The following SPEN variants were observed in gnomAD, a reference collection of about 807,000 sequenced individuals.
SPEN encodes msx2-interacting protein.
A neutral mutation model predicts 269.9 loss-of-function variants in SPEN; 18 were observed. That is an observed-to-expected ratio of 0.07 (90% CI 0.05 to 0.10). The LOEUF (loss-of-function observed/expected upper bound fraction) is 0.10, where lower values mean the gene tolerates loss of function less well. SPEN is among the 10% of genes least tolerant of loss of function. The probability of loss-of-function intolerance (pLI) is 1.00; values close to 1 mark genes in which losing one functional copy is unlikely to be tolerated. For missense variants in SPEN, 3,822 were observed against 4,631.2 expected (o/e 0.83, Z 5.07); for synonymous variants, 1,726 against 1,765.7 (o/e 0.98, Z 0.56).
chr1:15,855,229 A>G (rs1455594379), intron 1 of SPEN, among the ~76,000 whole-genome samples: 1 of 152,146 alleles, frequency 6.6e-6, no homozygotes, highest in Non-Finnish European at 1.5e-5. Context: ...TTTGTATTAG[A>G]TGCTGTTTGG....
At position 15,933,262 on chromosome 1, in the gene SPEN, A is replaced by G. The variant is rs150431718; in HGVS notation, c.7022A>G (p.Lys2341Arg). 1.2e-5 allele frequency: 19 copies of G among 1,614,168 alleles called. No homozygotes were observed. Among genetic ancestry groups the G allele is most frequent in the Admixed American group, 1.7e-5 (1 of 60,026 alleles). The change falls in exon 11 of 15, where the codon AAG (lysine) becomes AGG (arginine). Residue 2341 changes from lysine (K) to arginine (R), a missense_variant. Physicochemically the swap from Lys to Arg is conservative, Grantham distance 26. This residue lies in a region of SPEN where 727 missense variants were observed against 737.9 expected (regional missense o/e 0.99). Coordinates refer to ENST00000375759, the MANE Select transcript of SPEN (RefSeq NM_015001.3). The surrounding 1 kb of genome is among the most constrained non-coding windows in gnomAD (Gnocchi z 5.7). ...GRQKTTRSRR[K>R]RNTNKKVVAP... ...CAGAAAACAACCCGATCACGCCGCA[A>G]GCGAAACACAAACAAGAAAGTGGTG...
At position 15,937,660 on chromosome 1, in the gene SPEN, G is replaced by A; in HGVS notation, c.10509+15G>A. The A allele has an allele frequency of 6.2e-7, 1 of 1,609,174 alleles. No homozygotes were observed. The highest frequency in any genetic ancestry group is 2.2e-5 in the East Asian group (1 of 44,748). ...AACTTCTGAAGGTAAGCATGAGCAG[G>A]GGCTGCCCTTCCTGGCCCCCAAGTT... is the stretch of plus-strand genomic sequence containing the variant. On this transcript the variant is annotated intron_variant, in intron 12 of 14. Transcript: ENST00000375759. This position sits in a 1 kb window ranked among gnomAD's most constrained non-coding sequence, Gnocchi z 5.7.
rs1366575606 is a variant in SPEN, at chr1:15,930,338, A to G, written c.4098A>G (p.Arg1366=). 6.2e-7 allele frequency: 1 copy of G among 1,613,776 alleles called. No individual in the cohort carries two copies. Among genetic ancestry groups the G allele is most frequent in the Admixed American group, 1.7e-5 (1 of 59,996 alleles). ...GCATAATTAAGAGAGATAGCCTTCG[A>G]AAAAGGTCTGTACGAGATCTGGAAC... ...PNSIIKRDSL[R]KRSVRDLEPG... Residue 1366 remains arginine (R), a synonymous_variant, in exon 11 of 15, where the codon CGA becomes CGG. Transcript: ENST00000375759. This position sits in a 1 kb window ranked among gnomAD's most constrained non-coding sequence, Gnocchi z 5.3.
intron 3 of SPEN, among the ~76,000 whole-genome samples, chr1:15,879,026 AAAAG>A (rs1480550104): frequency 4.8e-5 from 7 of 145,836 alleles, no homozygotes; most frequent in Non-Finnish European, 9.1e-5. Context: ...AAAAAAAAAG[AAAAG>A]AAAAGAAAAA....
rs755308172 is a variant in SPEN, at chr1:15,931,502, C to T, written c.5262C>T (p.Asp1754=). 3.7e-6 allele frequency: 6 copies of T among 1,614,068 alleles called. No homozygotes were observed. The Admixed American group carries it at 1.0e-4, about 27-fold the overall frequency. ...AGAGCAACGTAGATCCAGAGCCTGACAGTACCCAGCCACTTTCAAAACCAG... is the reference window on the plus strand; with the variant it reads ...AGAGCAACGTAGATCCAGAGCCTGATAGTACCCAGCCACTTTCAAAACCAG... ...QAESNVDPEP[D]STQPLSKPAQ... The change falls in exon 11 of 15, where the codon GAC becomes GAT. Residue 1754 remains aspartate, a synonymous_variant. Transcript: ENST00000375759. The surrounding 1 kb of genome is among the most constrained non-coding windows in gnomAD (Gnocchi z 4.8).
intron 3 of SPEN, among the ~76,000 whole-genome samples, chr1:15,881,765 AGT>A (rs1181125484): frequency 6.6e-6 from 1 of 152,190 alleles, no homozygotes; most frequent in African/African-American, 2.4e-5. Context: ...TTGAATTCAA[AGT>A]GTAATATTTT....
intron 3 of SPEN, among the ~76,000 whole-genome samples, chr1:15,907,364 C>T (rs937415736): frequency 1.3e-5 from 2 of 151,970 alleles, no homozygotes; most frequent in East Asian, 3.9e-4. Flanking sequence ...TGCCTGTAAT[C>T]CCAGCTACTC....
chr1:15,939,453 G>C lies in SPEN; in HGVS notation c.*26G>C, dbSNP rs780079732. ...GCCACTGAGTGGTTATCACCTCAGTGAATCTTCCCAGGGCTCTGCAGTAAA... is the reference window on the plus strand; with the variant it reads ...GCCACTGAGTGGTTATCACCTCAGTCAATCTTCCCAGGGCTCTGCAGTAAA... On this transcript the variant is annotated 3_prime_UTR_variant, in exon 15 of 15. Transcript: ENST00000375759. This position sits in a 1 kb window ranked among gnomAD's most constrained non-coding sequence, Gnocchi z 4.1. 1.5e-5 allele frequency: 23 copies of C among 1,556,436 alleles called. No homozygotes were observed. Among genetic ancestry groups the C allele is most frequent in the Non-Finnish European group, 1.7e-5 (20 of 1,150,282 alleles).
intron 4 of SPEN, among the ~76,000 whole-genome samples, chr1:15,910,438 C>T (rs1023589739): frequency 1.6e-4 from 24 of 152,140 alleles, no homozygotes; most frequent in African/African-American, 3.4e-4. Flanking sequence ...GAAAGATAGA[C>T]GATGCCTTTC....
chr1:15,937,131 C>G lies in SPEN; in HGVS notation c.10027-32C>G, dbSNP rs1348522329. The G allele has an allele frequency of 1.9e-6, 3 of 1,593,358 alleles. No homozygotes were observed. The highest frequency in any genetic ancestry group is 2.6e-6 in the Non-Finnish European group (3 of 1,168,682). ...CAGGGGCTTGTGCACAACAGACTGACTCTGTCCCTTTGCCTTCCTTCCCTA... is the reference window on the plus strand; with the variant it reads ...CAGGGGCTTGTGCACAACAGACTGAGTCTGTCCCTTTGCCTTCCTTCCCTA... On this transcript the variant is annotated intron_variant, in intron 11 of 14. Transcript: ENST00000375759. This position sits in a 1 kb window ranked among gnomAD's most constrained non-coding sequence, Gnocchi z 5.7.
Position 15,939,466 on chromosome 1 carries a change from G to A in SPEN, c.*39G>A. The A allele has an allele frequency of 1.3e-6, 2 of 1,508,244 alleles. No homozygotes were observed. The highest frequency in any genetic ancestry group is 1.4e-5 in the African/African-American group (1 of 70,636). 93.4% of individuals were successfully genotyped at this position (1,508,244 alleles called of 1,614,324 possible). ...TATCACCTCAGTGAATCTTCCCAGG[G>A]CTCTGCAGTAAAAACAAAGGACAAC... On this transcript the variant is annotated 3_prime_UTR_variant, in exon 15 of 15. Coordinates refer to ENST00000375759, the MANE Select transcript of SPEN (RefSeq NM_015001.3). This position sits in a 1 kb window ranked among gnomAD's most constrained non-coding sequence, Gnocchi z 4.1.
Position 15,928,427 on chromosome 1 carries a change from T to C in SPEN, c.2187T>C (p.Val729=), listed in dbSNP as rs2071188657. The C allele has an allele frequency of 6.2e-7, 1 of 1,613,986 alleles. No individual in the cohort carries two copies. Among genetic ancestry groups the C allele is most frequent in the African/African-American group, 1.3e-5 (1 of 74,898 alleles). Residue 729 remains valine, a synonymous_variant, in exon 11 of 15, where the codon GTT becomes GTC. Coordinates refer to ENST00000375759, the MANE Select transcript of SPEN (RefSeq NM_015001.3). This position sits in a 1 kb window ranked among gnomAD's most constrained non-coding sequence, Gnocchi z 5.7. ...RRPIERSQSP[V]HLRRPQSPGA... ...CGATTGAACGAAGTCAAAGTCCTGT[T>C]CACTTGCGACGTCCACAGAGTCCTG...
chr1:15,853,456 G>A (rs552331975), intron 1 of SPEN, among the ~76,000 whole-genome samples: 3 of 151,288 alleles, frequency 2.0e-5, no homozygotes, highest in African/African-American at 7.3e-5. Flanking sequence ...CAAAGTGCTG[G>A]GATTACAGGT....
intron 3 of SPEN, among the ~76,000 whole-genome samples, chr1:15,893,653 G>T (rs1005795513): frequency 6.6e-6 from 1 of 151,936 alleles, no homozygotes; most frequent in Non-Finnish European, 1.5e-5. Context: ...GGATAGAGAG[G>T]AGATGTCATT....
At chr1:15,858,833 G>C (rs1205624304) in intron 1 of SPEN, among the ~76,000 whole-genome samples, 1 of 152,228 alleles carries the variant, frequency 6.6e-6, no homozygotes, top group South Asian at 2.1e-4. Flanking sequence ...AGTCCCAGCT[G>C]TTCAGGAGGC....
intron 3 of SPEN, among the ~76,000 whole-genome samples, chr1:15,887,698 G>A (rs2070749737): frequency 6.6e-6 from 1 of 150,494 alleles, no homozygotes; most frequent in African/African-American, 2.4e-5. Context: ...TGGTGTTTGA[G>A]ACATAGCAAG....
At chr1:15,884,067 C>T (rs2070714204) in intron 3 of SPEN, among the ~76,000 whole-genome samples, 1 of 152,040 alleles carries the variant, frequency 6.6e-6, no homozygotes, top group East Asian at 1.9e-4. Context: ...GCTTTGGCCT[C>T]CCAAAGTGCT....
Position 15,928,610 on chromosome 1 carries a change from G to A in SPEN, c.2370G>A (p.Lys790=), listed in dbSNP as rs780453999. The A allele has an allele frequency of 1.9e-6, 3 of 1,614,114 alleles. No individual in the cohort carries two copies. The Admixed American group carries it at 5.0e-5, about 27-fold the overall frequency. ...TGGAGCGCTATACAAAAAATGAAAAGACAGATAAAGAACGAACTTTTGATC... is the reference window on the plus strand; with the variant it reads ...TGGAGCGCTATACAAAAAATGAAAAAACAGATAAAGAACGAACTTTTGATC... ...SRLERYTKNE[K]TDKERTFDPE... The change falls in exon 11 of 15, where the codon AAG becomes AAA. Residue 790 remains lysine, a synonymous_variant. Coordinates refer to ENST00000375759, the MANE Select transcript of SPEN (RefSeq NM_015001.3). The surrounding 1 kb of genome is among the most constrained non-coding windows in gnomAD (Gnocchi z 5.7).
In SPEN at chr1:15,909,354, T is replaced by C. The variant is rs764702790; in HGVS notation, c.915T>C (p.Ser305=). ...CCAGCAGTAGTTCAAGTGATGATTC[T>C]CCAGCTCGATCAGTTCAGTCTGCAG... ...SDSSSSSSDD[S]PARSVQSAAV... Residue 305 remains serine (S), a synonymous_variant, in exon 4 of 15, where the codon TCT becomes TCC. Coordinates refer to ENST00000375759, the MANE Select transcript of SPEN (RefSeq NM_015001.3). 2 of 1,613,178 alleles carry C rather than the reference T, an allele frequency of 1.2e-6. No homozygotes were observed. The highest frequency in any genetic ancestry group is 1.3e-5 in the African/African-American group (1 of 74,904).
Sources: gnomAD v4.1 joint callset for allele counts (sites outside exome capture counted in the v4.1 genomes callset) on GRCh38, gnomAD v4.1.1 for gene constraint, gnomAD v4.1.1 regional missense constraint, Gnocchi (gnomAD v3.1) non-coding constraint, MANE v1.5 for transcripts, NCBI Gene and HGNC (gene_info 2026-07-23, HGNC 2026-07-21) for gene names.